Variants in USP34 observed in about 807,000 individuals in gnomAD.
The protein encoded by USP34 is ubiquitin carboxyl-terminal hydrolase 34.
In USP34, 70 loss-of-function variants were observed where a neutral mutation model predicts 460.3. The ratio of observed to expected loss-of-function variants is 0.15; its 90% CI spans 0.13 to 0.19. The LOEUF is 0.19. Among genes scored for constraint, USP34 ranks in the 10% least tolerant of loss-of-function variants. The pLI, the probability that USP34 is intolerant of heterozygous loss-of-function variation, is 1.00. For synonymous variants in USP34, 1,647 were observed against 1,405.3 expected (o/e 1.17, Z -3.85); for missense variants, 3,985 against 4,236.2 (o/e 0.94, Z 1.65).
intron 56 of USP34, 23 bp downstream of exon 56, chr2:61,236,003 A>C (rs928760722): frequency 6.2e-7 from 1 of 1,602,790 alleles, no homozygotes; most frequent in African/African-American, 1.4e-5. Flanking sequence ...ATGACAAAAA[A>C]ATCCATAGTA....
chr2:61,399,029 C>T (rs1032164484), intron 3 of USP34, among the ~76,000 whole-genome samples: 2 of 152,066 alleles, frequency 1.3e-5, no homozygotes, highest in Non-Finnish European at 2.9e-5. Context: ...CTTAGAGCCA[C>T]GATTTCTAGT....
At chr2:61,282,400 T>C (rs1219589214) in intron 37 of USP34, among the ~76,000 whole-genome samples, 2 of 152,222 alleles carry the variant, frequency 1.3e-5, no homozygotes, top group African/African-American at 4.8e-5. Flanking sequence ...AAGATACAGC[T>C]AATAAAAATT....
chr2:61,430,609 T>G (rs1214561131), intron 1 of USP34, among the ~76,000 whole-genome samples: 2 of 152,206 alleles, frequency 1.3e-5, no homozygotes, highest in African/African-American at 2.4e-5. Flanking sequence ...TAGACTAACC[T>G]TATTGTATGT....
In USP34 at chr2:61,394,533, CAAA is replaced by C. The variant is rs200686763; in HGVS notation, c.753+317_753+319del. On this transcript the variant is annotated intron_variant, in intron 5 of 79. Coordinates refer to ENST00000398571, the MANE Select transcript of USP34 (RefSeq NM_014709.4). ...AACAACGGAGTGAGACCCTCTCTCT[CAAA>C]AAAAAAAAAAAAAAAAAAAAAATAA... Among the ~76,000 whole-genome samples the C allele has an allele frequency of 1.2e-3, 129 of 110,042 alleles. 2 individuals are homozygous for C. The highest frequency in any genetic ancestry group is 3.7e-3 in the African/African-American group (101 of 27,564). 72.2% of individuals were successfully genotyped at this position (110,042 alleles called of 152,430 possible). A position where few individuals can be genotyped will look rare whatever the true frequency, so the allele number is the denominator to read the frequency against.
chr2:61,384,422 C>A (rs1693074589), intron 5 of USP34, among the ~76,000 whole-genome samples: 1 of 152,066 alleles, frequency 6.6e-6, no homozygotes, highest in Non-Finnish European at 1.5e-5. Context: ...ATAATCCCAG[C>A]ACTCTGGGAG....
chr2:61,343,711 C>T lies in USP34; in HGVS notation c.2500+104G>A, dbSNP rs1572952332. The stretch of plus-strand genomic sequence containing the variant: ...CATATGTAAGTTATTTTGACAAAAA[C>T]ATTTAAGTACCATAACCTTAACTAT... On this transcript the variant is annotated intron_variant, in intron 16 of 79. Coordinates refer to ENST00000398571, the MANE Select transcript of USP34 (RefSeq NM_014709.4). The T allele has an allele frequency of 2.9e-5, 35 of 1,200,300 alleles. 1 individual carries two copies. The East Asian group carries it at 8.9e-4, about 31-fold the overall frequency. 74.4% of individuals were successfully genotyped at this position (1,200,300 alleles called of 1,614,324 possible).
chr2:61,295,248 T>C lies in USP34; in HGVS notation c.4297A>G (p.Ser1433Gly), dbSNP rs1689989799. Reference sequence around the variant, plus strand: ...AGAGCATACAATAGCTTGTGGGCGCTCTTAATTTTGAGAAGTTCTTTCCAA... The same window carrying C: ...AGAGCATACAATAGCTTGTGGGCGCCCTTAATTTTGAGAAGTTCTTTCCAA... Reference protein sequence around the residue: ...FNWKELLKIKSAHKLLYALEI... With the variant: ...FNWKELLKIKGAHKLLYALEI... The change falls in exon 31 of 80, where the codon AGC becomes GGC. Residue 1433 changes from serine to glycine, a missense_variant. Transcript: ENST00000398571. 1 of 1,608,240 alleles carries C rather than the reference T, an allele frequency of 6.2e-7. No homozygotes were observed. Among genetic ancestry groups the C allele is most frequent in the East Asian group, 2.2e-5 (1 of 44,670 alleles).
chr2:61,229,050 C>G (rs533160141), intron 59 of USP34, 55 bp from the exon 60 acceptor site: 8 of 1,347,474 alleles, frequency 5.9e-6, no homozygotes, highest in South Asian at 4.3e-5. Context: ...AAATACTGTT[C>G]GAGAGAAAAA....
Position 61,311,925 on chromosome 2 carries a change from A to AAAC in USP34, c.3543-18_3543-16dup. 1 of 1,610,520 alleles carries AAAC rather than the reference A, an allele frequency of 6.2e-7. No homozygotes were observed. Among genetic ancestry groups the AAAC allele is most frequent in the South Asian group, 1.1e-5 (1 of 90,422 alleles). ...GATATGCAAACCTAAAACATGACACAAACAACACATAGAAAGGATACCATT... is the reference window on the plus strand; with the variant it reads ...GATATGCAAACCTAAAACATGACACAAACAACAACACATAGAAAGGATACCATT... On this transcript the variant is annotated splice_polypyrimidine_tract_variant and intron_variant, in intron 25 of 79. Transcript: ENST00000398571.
At position 61,214,644 on chromosome 2, in the gene USP34, T is replaced by G; in HGVS notation, c.8098A>C (p.Met2700Leu). The change falls in exon 68 of 80, where the codon ATG becomes CTG. Residue 2700 changes from methionine to leucine, a missense_variant. This residue lies in a region of USP34 where 604 missense variants were observed against 684.8 expected (regional missense o/e 0.88). Transcript: ENST00000398571. Reference sequence around the variant, plus strand: ...TGCAAAGACCTTGTTGACCGGAACATCTGACGGAATGAATTGCTTGGTATA... The same window carrying G: ...TGCAAAGACCTTGTTGACCGGAACAGCTGACGGAATGAATTGCTTGGTATA... The part of the protein sequence containing the change: ...SLIPSNSFRQ[M>L]FRSTRSLHIP... The G allele has an allele frequency of 6.2e-7, 1 of 1,614,214 alleles. No individual in the cohort carries two copies. Among genetic ancestry groups the G allele is most frequent in the Admixed American group, 1.7e-5 (1 of 60,032 alleles).
At chr2:61,457,580 G>C (rs1015268734) in intron 1 of USP34, among the ~76,000 whole-genome samples, 1 of 152,158 alleles carries the variant, frequency 6.6e-6, no homozygotes, top group African/African-American at 2.4e-5. Context: ...AACTAGTAAA[G>C]TGTTGTGTGT....
In USP34 at chr2:61,312,028, C is replaced by G. The variant is rs1690608628; in HGVS notation, c.3543-118G>C. Reference sequence around the variant, plus strand: ...TCCAAAAGAAGTTCTAAGTTCATTCCAATGTATTCTACAGCAACAAATTTA... The same window carrying G: ...TCCAAAAGAAGTTCTAAGTTCATTCGAATGTATTCTACAGCAACAAATTTA... On this transcript the variant is annotated intron_variant, in intron 25 of 79. Transcript: ENST00000398571. The G allele has an allele frequency of 2.4e-6, 3 of 1,259,122 alleles. No individual in the cohort carries two copies. In the East Asian group the frequency reaches 7.7e-5, roughly 32 times the overall value. 78.0% of individuals were successfully genotyped at this position (1,259,122 alleles called of 1,614,324 possible). A position where few individuals can be genotyped will look rare whatever the true frequency, so the allele number is the denominator to read the frequency against.
At chr2:61,332,020 A>G (rs1283855572) in intron 19 of USP34, among the ~76,000 whole-genome samples, 1 of 152,112 alleles carries the variant, frequency 6.6e-6, no homozygotes, top group Non-Finnish European at 1.5e-5. Flanking sequence ...TTTCTGTTAT[A>G]GCCATATTTT....
At chr2:61,393,723 C>A (rs1693425728) in intron 5 of USP34, among the ~76,000 whole-genome samples, 1 of 152,042 alleles carries the variant, frequency 6.6e-6, no homozygotes, top group Non-Finnish European at 1.5e-5. Flanking sequence ...AAGGTAATTC[C>A]ATTACACAAG....
intron 16 of USP34, among the ~76,000 whole-genome samples, chr2:61,340,103 A>G (rs1055402632): frequency 7.2e-5 from 11 of 152,042 alleles, no homozygotes; most frequent in African/African-American, 2.4e-4. Flanking sequence ...AACTGTACAT[A>G]AATACTTGAA....
intron 34 of USP34, among the ~76,000 whole-genome samples, chr2:61,285,506 T>TAAGAA (rs1203479837): frequency 7.7e-6 from 1 of 129,924 alleles, no homozygotes; most frequent in Non-Finnish European, 1.7e-5. Context: ...AAAAAAAAAG[T>TAAGAA]AAGAAAAGAA....
chr2:61,424,705 CT>C (rs1694459861), intron 1 of USP34, among the ~76,000 whole-genome samples: 1 of 152,014 alleles, frequency 6.6e-6, no homozygotes, highest in Non-Finnish European at 1.5e-5. Context: ...GCGAGACCCC[CT>C]CTCTATTTAA....
rs1688733301 is a variant in USP34, at chr2:61,256,725, T to TAAAC, written c.6126+147_6126+148insGTTT. 20 of 648,298 alleles carry TAAAC rather than the reference T, an allele frequency of 3.1e-5. No individual in the cohort carries two copies. The East Asian group carries it at 6.3e-4, about 20-fold the overall frequency. 40.2% of individuals were successfully genotyped at this position (648,298 alleles called of 1,614,324 possible). The stretch of plus-strand genomic sequence containing the variant: ...GGGCAAGAAAAAGCTTTATGGTTGA[T>TAAAC]GTTTAACTCTTATTTGAATAGTACA... On this transcript the variant is annotated intron_variant, in intron 47 of 79. Coordinates refer to ENST00000398571, the MANE Select transcript of USP34 (RefSeq NM_014709.4).
chr2:61,267,137 T>C (rs552550297), intron 41 of USP34, among the ~76,000 whole-genome samples: 1 of 152,202 alleles, frequency 6.6e-6, no homozygotes, highest in Admixed American at 6.5e-5. Flanking sequence ...CTTGGTTAAG[T>C]TGCAACTGGC....
Sources: allele counts gnomAD v4.1 joint callset (sites outside exome capture counted in the v4.1 genomes callset), GRCh38; gene constraint gnomAD v4.1.1; regional missense constraint gnomAD v4.1.1; transcripts MANE v1.5; gene names NCBI Gene and HGNC (gene_info 2026-07-23, HGNC 2026-07-21).